DAB1: variants seen among roughly 807,000 people sequenced by gnomAD.
DAB1 encodes DAB adaptor protein 1.
Under a neutral mutation model 64.6 loss-of-function variants are expected in DAB1, and 15 were observed. The ratio of observed to expected loss-of-function variants is 0.23; its 90% CI spans 0.16 to 0.36. The LOEUF is 0.36. DAB1 is among the 10% of genes least tolerant of loss of function. The pLI is 1.00. For synonymous variants in DAB1, 235 were observed against 251.9 expected, an observed-to-expected ratio of 0.93 and a Z score of 0.64; for missense variants, 596 against 706.7, an observed-to-expected ratio of 0.84 and a Z score of 1.78.
chr1:58,543,737 G>A (rs562883459), intron 1 of DAB1, among the ~76,000 whole-genome samples: 157 of 151,998 alleles, frequency 1.0e-3, no homozygotes, highest in Non-Finnish European at 2.0e-3. Context: ...TCTGGCAAAG[G>A]GATATACAAA....
At chr1:57,783,085 T>C (rs1463234056) in intron 6 of DAB1, among the ~76,000 whole-genome samples, 2 of 129,170 alleles carry the variant, frequency 1.5e-5, no homozygotes, top group African/African-American at 5.6e-5. Flanking sequence ...CCTTCTTTCT[T>C]TCTCTCTCTC....
intron 3 of DAB1, among the ~76,000 whole-genome samples, chr1:58,428,848 T>C (rs981064439): frequency 2.0e-5 from 3 of 152,108 alleles, no homozygotes; most frequent in African/African-American, 7.2e-5. Flanking sequence ...TATTAGATAA[T>C]AAATAACACA....
chr1:57,261,960 G>A (rs751177834), intron 2 of DAB1, among the ~76,000 whole-genome samples: 1 of 152,152 alleles, frequency 6.6e-6, no homozygotes, highest in Non-Finnish European at 1.5e-5. Context: ...CCTGCACTGG[G>A]CCAATGAAAA....
At chr1:58,492,400 GA>G (rs1645712787) in intron 3 of DAB1, among the ~76,000 whole-genome samples, 1 of 151,802 alleles carries the variant, frequency 6.6e-6, no homozygotes. Flanking sequence ...CAGAAGGCAA[GA>G]AAATAACTAA....
At chr1:57,745,729 A>G (rs990015677) in intron 6 of DAB1, among the ~76,000 whole-genome samples, 2 of 152,222 alleles carry the variant, frequency 1.3e-5, no homozygotes, top group African/African-American at 4.8e-5. Context: ...TTTTTGTCAC[A>G]GTTGTTTTAA....
chr1:57,913,066 C>T (rs1250269994), intron 5 of DAB1, among the ~76,000 whole-genome samples: 1 of 152,202 alleles, frequency 6.6e-6, no homozygotes, highest in East Asian at 1.9e-4. Flanking sequence ...CTACCAATGA[C>T]TTTCTTCACA....
intron 1 of DAB1, among the ~76,000 whole-genome samples, chr1:58,538,573 T>C (rs1557459365): frequency 6.6e-6 from 1 of 152,276 alleles, no homozygotes; most frequent in East Asian, 1.9e-4. Context: ...ATGCAGGAAA[T>C]TGTTTCAAGA....
At chr1:57,418,844 T>C (rs1304085291) in intron 1 of DAB1, among the ~76,000 whole-genome samples, 2 of 152,170 alleles carry the variant, frequency 1.3e-5, no homozygotes, top group Non-Finnish European at 2.9e-5. Context: ...AGTTTTATGA[T>C]TCCTCAACCA....
At chr1:57,631,455 C>A (rs1181339489) in intron 7 of DAB1, among the ~76,000 whole-genome samples, 1 of 152,130 alleles carries the variant, frequency 6.6e-6, no homozygotes, top group Non-Finnish European at 1.5e-5. Flanking sequence ...TTTTCATTTT[C>A]AATTTCCATA....
chr1:57,880,145 G>C (rs1034822543), intron 1 of DAB1: 5 of 149,926 alleles, frequency 3.3e-5, no homozygotes, highest in Admixed American at 2.0e-4. Context: ...AGAGAGGTAT[G>C]CTCATAGAAG....
intron 1 of DAB1, among the ~76,000 whole-genome samples, chr1:57,364,182 T>C (rs1288032524): frequency 6.6e-6 from 1 of 152,142 alleles, no homozygotes; most frequent in Non-Finnish European, 1.5e-5. Context: ...CTGGCATTAA[T>C]GGGACAGGGC....
chr1:58,167,611 C>T lies in DAB1; in HGVS notation n.310-17023G>A, dbSNP rs573914579. Reference sequence around the variant, plus strand: ...CCTTCCACGCTATGGAAGCTTTGTTCTTTCACTCTTCACAACAAATCTTGC... The same window carrying T: ...CCTTCCACGCTATGGAAGCTTTGTTTTTTCACTCTTCACAACAAATCTTGC... On this transcript the variant is annotated intron_variant and non_coding_transcript_variant, in intron 4 of 20. Transcript: ENST00000485760. 7.2e-5 allele frequency among the ~76,000 whole-genome samples: 11 copies of T among 152,320 alleles called. 1 individual carries two copies. The highest frequency in any genetic ancestry group is 2.6e-4 in the African/African-American group (11 of 41,570).
At position 58,040,619 on chromosome 1, in the gene DAB1, A is replaced by G. The variant is rs192604615; in HGVS notation, n.387+109892T>C. Among the ~76,000 whole-genome samples the G allele has an allele frequency of 1.1e-4, 16 of 152,328 alleles. 1 individual carries two copies. Among genetic ancestry groups the G allele is most frequent in the East Asian group, 3.9e-4 (2 of 5,184 alleles). ...AATTGGTTCAGAACCTTCAGGCTAA[A>G]TGAGTTTCCTGCGGATTGAGAACAT... On this transcript the variant is annotated intron_variant and non_coding_transcript_variant, in intron 5 of 20. Coordinates refer to the DAB1 transcript ENST00000485760.
At chr1:57,386,903 G>A (rs1301834114) in intron 1 of DAB1, 1 of 152,224 alleles carries the variant, frequency 6.6e-6, no homozygotes, top group African/African-American at 2.4e-5. Flanking sequence ...ACATCTGTGA[G>A]CTGCCTGCTG....
intron 6 of DAB1, among the ~76,000 whole-genome samples, chr1:57,776,672 T>C (rs1432105543): frequency 6.6e-6 from 1 of 151,820 alleles, no homozygotes; most frequent in African/African-American, 2.4e-5. Flanking sequence ...CTTATCACTG[T>C]CTAACTTCAG....
intron 8 of DAB1, among the ~76,000 whole-genome samples, chr1:57,065,119 T>C (rs114850605): frequency 6.6e-6 from 1 of 152,320 alleles, no homozygotes; most frequent in African/African-American, 2.4e-5. Flanking sequence ...CTGTGCATAA[T>C]TGAAAACGCT....
intron 1 of DAB1, among the ~76,000 whole-genome samples, chr1:57,317,095 A>G (rs974290746): frequency 2.0e-5 from 3 of 152,148 alleles, no homozygotes; most frequent in African/African-American, 7.2e-5. Context: ...GCCAGCTGCC[A>G]TATTTGTGAG....
intron 6 of DAB1, among the ~76,000 whole-genome samples, chr1:57,668,041 ATT>A (rs199665325): frequency 6.6e-6 from 1 of 150,478 alleles, no homozygotes; most frequent in Non-Finnish European, 1.5e-5. Flanking sequence ...TTAAAAAAAA[ATT>A]TTTAAAAAGA....
chr1:57,342,427 T>A (rs184452559), intron 1 of DAB1, among the ~76,000 whole-genome samples: 1 of 152,210 alleles, frequency 6.6e-6, no homozygotes, highest in Non-Finnish European at 1.5e-5. Context: ...CTAGTGCATT[T>A]GCCAAAAGCA....
Sources: gnomAD v4.1 joint callset for allele counts (sites outside exome capture counted in the v4.1 genomes callset) on GRCh38, gnomAD v4.1.1 for gene constraint, MANE v1.5 for transcripts, NCBI Gene and HGNC (gene_info 2026-07-23, HGNC 2026-07-21) for gene names.